The following KAZN variants were observed in gnomAD, a reference collection of about 807,000 sequenced individuals.
KAZN encodes the protein kazrin.
In KAZN, 40 loss-of-function variants were observed where a neutral mutation model predicts 87.4. That is an observed-to-expected ratio of 0.46 (90% CI 0.36 to 0.60). The LOEUF (loss-of-function observed/expected upper bound fraction) is 0.60. Ranked by LOEUF, KAZN falls within the 20% of genes least tolerant of loss-of-function variation. The probability of loss-of-function intolerance (pLI) is 0.00; values close to 1 mark genes in which losing one functional copy is unlikely to be tolerated. For synonymous variants in KAZN, 466 were observed against 458.3 expected, an observed-to-expected ratio of 1.02 and a Z score of -0.22; for missense variants, 898 against 1,073.9, an observed-to-expected ratio of 0.84 and a Z score of 2.29.
chr1:14,337,911 A>G (rs1051821666), intron 2 of KAZN, among the ~76,000 whole-genome samples: 3 of 146,982 alleles, frequency 2.0e-5, no homozygotes, highest in African/African-American at 7.8e-5. Context: ...AAAAAAAAAA[A>G]AGAGCCTCCT....
intron 2 of KAZN, among the ~76,000 whole-genome samples, chr1:14,451,995 A>C (rs115844523): frequency 0.071 from 10,837 of 152,254 alleles, 605 homozygotes; most frequent in South Asian, 0.11. Context: ...GCTGGAGTGC[A>C]CTGGCTCCGT....
intron 1 of KAZN, among the ~76,000 whole-genome samples, chr1:14,908,396 C>T (rs1454585121): frequency 6.6e-6 from 1 of 151,728 alleles, no homozygotes; most frequent in Non-Finnish European, 1.5e-5. Flanking sequence ...CAAACATTAA[C>T]CAGGCAGTAG....
rs1329665102 is a variant in KAZN, at chr1:14,795,328, C to A, written c.227-165356C>A. 2.6e-5 allele frequency among the ~76,000 whole-genome samples: 4 copies of A among 152,196 alleles called. No individual in the cohort carries two copies. In the East Asian group the frequency reaches 7.7e-4, roughly 29 times the overall value. ...CCTGTAAGGGGTGTGCAGATGGACT[C>A]CACAGAGAGCACAACACGGGGTCTT... is the stretch of plus-strand genomic sequence containing the variant. On this transcript the variant is annotated intron_variant, in intron 1 of 14. Transcript: ENST00000376030.
chr1:14,655,299 C>CT (rs1324605280), intron 1 of KAZN, among the ~76,000 whole-genome samples: 2 of 152,218 alleles, frequency 1.3e-5, no homozygotes, highest in East Asian at 3.8e-4. Flanking sequence ...TCTGGATTCT[C>CT]TACCTGTCCA....
intron 14 of KAZN, chr1:15,113,522 C>G (rs1641730483): frequency 6.6e-6 from 1 of 152,206 alleles, no homozygotes; most frequent in Non-Finnish European, 1.5e-5. Context: ...ACTAATGTGA[C>G]TACTTTAACA....
chr1:14,884,190 G>A (rs984972504), intron 1 of KAZN, among the ~76,000 whole-genome samples: 1 of 152,048 alleles, frequency 6.6e-6, no homozygotes. Context: ...CCGGGTGATC[G>A]AGACCATCCT....
chr1:14,595,145 A>C (rs889240553), upstream of KAZN, among the ~76,000 whole-genome samples: 17 of 5,416 alleles, frequency 3.1e-3, no homozygotes, highest in African/African-American at 0.046. Context: ...CTCCATCTCA[A>C]AAAAAAAAAG....
rs1017915555 is a variant in KAZN at position 14,669,906 on chromosome 1, G to A, written c.226+70683G>A. Among the ~76,000 whole-genome samples the A allele has an allele frequency of 2.6e-5, 4 of 152,116 alleles. No individual in the cohort carries two copies. The East Asian group carries it at 5.8e-4, about 22-fold the overall frequency. On this transcript the variant is annotated intron_variant, in intron 1 of 14. Coordinates refer to ENST00000376030, the MANE Select transcript of KAZN (RefSeq NM_201628.3). ...TGAACAACTGACCAACTTTTCCTGG[G>A]TACCGCCAATCTATCAGAGGCTACC...
chr1:14,150,915 A>G (rs1645458270), intron 1 of KAZN, among the ~76,000 whole-genome samples: 1 of 152,206 alleles, frequency 6.6e-6, no homozygotes, highest in African/African-American at 2.4e-5. Flanking sequence ...AAAAAAAGAA[A>G]AGTCATAGGT....
chr1:14,096,287 GTATAAAGGGTAATAAT>G (rs1208687081), intron 1 of KAZN, among the ~76,000 whole-genome samples: 1 of 152,178 alleles, frequency 6.6e-6, no homozygotes, highest in Non-Finnish European at 1.5e-5. Context: ...GCAACCAGGG[GTATAAAGGGTAATAAT>G]TACTCTGGAT....
At chr1:14,699,896 G>A (rs1641827296) in intron 1 of KAZN, among the ~76,000 whole-genome samples, 1 of 152,130 alleles carries the variant, frequency 6.6e-6, no homozygotes, top group Non-Finnish European at 1.5e-5. Context: ...TCATGAGCTG[G>A]CATAATGAGT....
In KAZN at chr1:14,259,771, G is replaced by T. The variant is rs573261791; in HGVS notation, c.249+79179G>T. ...ACAGCAGCTGCAGGGCCTTCAGAAG[G>T]CTTTGGAAAAACTAGAAGGTTTTCT... On this transcript the variant is annotated intron_variant, in intron 2 of 16. Coordinates refer to the KAZN transcript ENST00000636203. Among the ~76,000 whole-genome samples, 3 of 152,310 alleles carry T rather than the reference G, an allele frequency of 2.0e-5. No homozygotes were observed. The South Asian group carries it at 6.2e-4, about 32-fold the overall frequency.
intron 2 of KAZN, among the ~76,000 whole-genome samples, chr1:14,320,160 C>A (rs548945234): frequency 2.6e-5 from 4 of 152,102 alleles, no homozygotes; most frequent in African/African-American, 9.6e-5. Context: ...CTTTTGTAAC[C>A]CACACCCATG....
At chr1:14,902,394 T>C (rs1356456182) in intron 1 of KAZN, among the ~76,000 whole-genome samples, 1 of 151,810 alleles carries the variant, frequency 6.6e-6, no homozygotes, top group Non-Finnish European at 1.5e-5. Context: ...CCCGGCTAAT[T>C]TTTTTGTATT....
intron 1 of KAZN, among the ~76,000 whole-genome samples, chr1:14,039,941 A>G (rs114467122): frequency 1.3e-4 from 20 of 152,340 alleles, no homozygotes; most frequent in African/African-American, 4.3e-4. Context: ...CGATACTGAC[A>G]TGCATATCAC....
chr1:14,396,263 T>A (rs371518469), intron 2 of KAZN, among the ~76,000 whole-genome samples: 104 of 151,908 alleles, frequency 6.8e-4, no homozygotes, highest in African/African-American at 2.5e-3. Context: ...AGAAAAGATA[T>A]CTACAAACAA....
intron 1 of KAZN, among the ~76,000 whole-genome samples, chr1:14,016,268 C>T (rs987707244): frequency 4.6e-5 from 7 of 152,162 alleles, no homozygotes; most frequent in Admixed American, 1.3e-4. Flanking sequence ...GCACACATTC[C>T]GTGTTGTGCT....
At chr1:14,093,518 T>C (rs1644055990) in intron 1 of KAZN, among the ~76,000 whole-genome samples, 1 of 152,200 alleles carries the variant, frequency 6.6e-6, no homozygotes, top group South Asian at 2.1e-4. Context: ...GTCTGCCTGA[T>C]ATGACAGGTA....
At chr1:14,420,956 C>G (rs980440701) in intron 2 of KAZN, among the ~76,000 whole-genome samples, 74 of 149,940 alleles carry the variant, frequency 4.9e-4, no homozygotes, top group Non-Finnish European at 9.4e-4. Context: ...CCGGCCTCCG[C>G]CAGCCCAGAG....
Sources: allele counts gnomAD v4.1 joint callset (sites outside exome capture counted in the v4.1 genomes callset), GRCh38; gene constraint gnomAD v4.1.1; transcripts MANE v1.5; gene names NCBI Gene and HGNC (gene_info 2026-07-23, HGNC 2026-07-21).